ZNF558: variants seen among roughly 807,000 people sequenced by gnomAD.
The protein encoded by ZNF558 is zinc finger protein 558.
In ZNF558, 23 loss-of-function variants were observed where a neutral mutation model predicts 37.6. The ratio of observed to expected loss-of-function variants is 0.61; its 90% CI spans 0.44 to 0.87. The LOEUF (loss-of-function observed/expected upper bound fraction) is 0.87, where lower values mean the gene tolerates loss of function less well. Among genes scored for constraint, ZNF558 ranks in the 40% least tolerant of loss-of-function variants. The probability of loss-of-function intolerance (pLI) is 0.00; values close to 1 mark genes in which losing one functional copy is unlikely to be tolerated. For missense variants in ZNF558, 429 were observed against 483.7 expected (o/e 0.89, Z 1.06); for synonymous variants, 189 against 174.4 (o/e 1.08, Z -0.66).
At chr19:8,813,440 C>A (rs1190928790) in intron 7 of ZNF558, among the ~76,000 whole-genome samples, 1 of 152,120 alleles carries the variant, frequency 6.6e-6, no homozygotes, top group Non-Finnish European at 1.5e-5. Context: ...CTCACTGCAA[C>A]CTCTGCCTTC....
At position 8,822,142 on chromosome 19, in the gene ZNF558, A is replaced by G. The variant is rs765316329; in HGVS notation, c.32-51T>C. 1.9e-5 allele frequency: 31 copies of G among 1,609,630 alleles called. No homozygotes were observed. The highest frequency in any genetic ancestry group is 1.8e-5 in the Non-Finnish European group (21 of 1,177,246). Reference sequence around the variant, plus strand: ...GGATTCAGGCTTGTCTGACACCCACAGATCTGCCCCTGATTGACCACACCC... The same window carrying G: ...GGATTCAGGCTTGTCTGACACCCACGGATCTGCCCCTGATTGACCACACCC... On this transcript the variant is annotated intron_variant, in intron 5 of 9. Coordinates refer to ENST00000601372, the MANE Select transcript of ZNF558 (RefSeq NM_144693.3). This position sits in a 1 kb window ranked among gnomAD's most constrained non-coding sequence, Gnocchi z 4.4.
chr19:8,826,624 C>T (rs1072971), intron 2 of ZNF558, among the ~76,000 whole-genome samples: 25,997 of 151,994 alleles, frequency 0.17, 2,770 homozygotes, highest in East Asian at 0.27. Flanking sequence ...ACAGATGAAG[C>T]TTCGCTCACC....
Position 8,824,988 on chromosome 19 carries a change from A to G in ZNF558, c.-402+14T>C, listed in dbSNP as rs74445066. ...GACAATACCCTTGATGGAATCGACA[A>G]TGACCTTACTCACCAGGGAGACGTG... On this transcript the variant is annotated intron_variant, in intron 3 of 9. Transcript: ENST00000601372. 63 of 152,284 alleles carry G rather than the reference A, an allele frequency of 4.1e-4. No homozygotes were observed. Among genetic ancestry groups the G allele is most frequent in the African/African-American group, 1.4e-3 (59 of 41,536 alleles). The allele number at this position is 152,284 out of a possible 1,614,324, so 9.4% of individuals were successfully genotyped here.
At position 8,811,422 on chromosome 19, in the gene ZNF558, G is replaced by T. The variant is rs782523693; in HGVS notation, c.1068C>A (p.Ala356=). ...TCTTCACAGCTGAGAGATTATTAAA[G>T]GCTTTTCCACAGTCACTGCACTCGT... The part of the protein sequence containing the change: ...KPYECSDCGK[A]FNNLSAVKKH... The change falls in exon 10 of 10, where the codon GCC becomes GCA. Residue 356 remains alanine, a synonymous_variant. Coordinates refer to ENST00000601372, the MANE Select transcript of ZNF558 (RefSeq NM_144693.3). 9 of 1,613,574 alleles carry T rather than the reference G, an allele frequency of 5.6e-6. No homozygotes were observed. The African/African-American group carries it at 1.1e-4, about 19-fold the overall frequency.
At position 8,813,206 on chromosome 19, in the gene ZNF558, T is replaced by C. The variant is rs782536212; in HGVS notation, c.264A>G (p.Lys88=). 1.9e-5 allele frequency: 31 copies of C among 1,594,580 alleles called. No individual in the cohort carries two copies. In the South Asian group the frequency reaches 3.3e-4, roughly 17 times the overall value. ...NLASLGCRVN[K]PSLISQLEQD... is the part of the protein sequence containing the mutation. ...GTTCCAACTGGGATATCAGACTGGGTTTATTAACACGACACCCTATTTATG... is the reference window on the plus strand; with the variant it reads ...GTTCCAACTGGGATATCAGACTGGGCTTATTAACACGACACCCTATTTATG... Residue 88 remains lysine (K), a synonymous_variant, in exon 8 of 10, where the codon AAA becomes AAG. Transcript: ENST00000601372.
At chr19:8,813,383 G>C (rs998879095) in intron 7 of ZNF558, among the ~76,000 whole-genome samples, 161 bp from the exon 8 acceptor site, 2 of 152,102 alleles carry the variant, frequency 1.3e-5, no homozygotes, top group African/African-American at 4.8e-5. Context: ...TTTTGAGATG[G>C]AGTCTTGCTC....
chr19:8,823,053 G>A (rs190256519), intron 4 of ZNF558, among the ~76,000 whole-genome samples: 11 of 151,830 alleles, frequency 7.2e-5, no homozygotes, highest in Admixed American at 5.3e-4. Flanking sequence ...GGACTCCGGC[G>A]CCTCCATAAC....
intron 7 of ZNF558, 51 bp from the exon 8 acceptor site, chr19:8,813,273 C>A: frequency 6.9e-7 from 1 of 1,444,838 alleles, no homozygotes; most frequent in Non-Finnish European, 9.5e-7. Flanking sequence ...TGGGGACAAC[C>A]AAGTCCATGA....
intron 7 of ZNF558, among the ~76,000 whole-genome samples, chr19:8,814,163 G>C (rs2043869867): frequency 6.6e-6 from 1 of 152,192 alleles, no homozygotes; most frequent in African/African-American, 2.4e-5. Context: ...GGGTAAGAGA[G>C]CTTTATGATA....
chr19:8,813,936 C>T (rs2043863214), intron 7 of ZNF558, among the ~76,000 whole-genome samples: 1 of 152,216 alleles, frequency 6.6e-6, no homozygotes, highest in Non-Finnish European at 1.5e-5. Context: ...TCCCAAGTCA[C>T]TGCACAGACC....
intron 2 of ZNF558, among the ~76,000 whole-genome samples, chr19:8,827,571 C>CTTTTTTTTTTT (rs386388513): frequency 2.1e-5 from 2 of 94,078 alleles, no homozygotes; most frequent in Non-Finnish European, 2.1e-5. Flanking sequence ...TTTCCCTATT[C>CTTTTTTTTTTT]TTTTTTTTTT....
rs773630343 is a variant in ZNF558, at chr19:8,821,210, G to C, written c.217C>G (p.Leu73Val). 23 of 1,613,982 alleles carry C rather than the reference G, an allele frequency of 1.4e-5. No homozygotes were observed. In the East Asian group the frequency reaches 5.1e-4, roughly 36 times the overall value. The change falls in exon 7 of 10, where the codon CTG becomes GTG. Residue 73 changes from leucine to valine, a missense_variant. Leu to Val is a conservative substitution (Grantham distance 32). Transcript: ENST00000601372. ...AQRTLYRDVM[L>V]ENCRNLASLG... is the part of the protein sequence containing the mutation. ...GAGGCCAGGTTCCTGCAGTTCTCCA[G>C]CATCACATCCCTGTACAGTGTCCTT...
Position 8,809,545 on chromosome 19 carries a change from C to G in ZNF558, c.*1736G>C, listed in dbSNP as rs1452802986. The G allele has an allele frequency of 3.9e-5, 6 of 152,120 alleles. No individual in the cohort carries two copies. Among genetic ancestry groups the G allele is most frequent in the Non-Finnish European group, 8.8e-5 (6 of 68,040 alleles). The allele number at this position is 152,120 out of a possible 1,614,324, so 9.4% of individuals were successfully genotyped here. A position where few individuals can be genotyped will look rare whatever the true frequency, so the allele number is the denominator to read the frequency against. On this transcript the variant is annotated 3_prime_UTR_variant, in exon 10 of 10. Transcript: ENST00000601372. ...TAATCAGTATCATAAAGCTCATGTA[C>G]TCTGCCAAAAATACCACTACATTAG...
rs2043770920 is a variant in ZNF558 at position 8,810,957 on chromosome 19, A to G, written c.*324T>C. ...GGTCCCCTGACAACAACCAACATCA[A>G]CTTTCCAGGCATGTGAATAAGTCAT... On this transcript the variant is annotated 3_prime_UTR_variant, in exon 10 of 10. Coordinates refer to ENST00000601372, the MANE Select transcript of ZNF558 (RefSeq NM_144693.3). The G allele has an allele frequency of 4.7e-6, 1 of 212,426 alleles. No individual in the cohort carries two copies. Among genetic ancestry groups the G allele is most frequent in the African/African-American group, 2.3e-5 (1 of 43,008 alleles). The allele number at this position is 212,426 out of a possible 1,614,324, so 13.2% of individuals were successfully genotyped here.
chr19:8,823,013 C>T (rs1006504453), intron 4 of ZNF558: 12 of 292,554 alleles, frequency 4.1e-5, no homozygotes, highest in Admixed American at 2.9e-4. Context: ...GCACCACAAA[C>T]GCATTCCCGG....
rs1352724720 is a variant in ZNF558, at chr19:8,832,241, C to A, written c.-625G>T. The stretch of plus-strand genomic sequence containing the variant: ...GGCCCCTCCCGCGGGGCCAAAAGCG[C>A]CGACTCGCGGGGACGGAGGGACTCG... On this transcript the variant is annotated 5_prime_UTR_variant, in exon 1 of 10. Coordinates refer to ENST00000601372, the MANE Select transcript of ZNF558 (RefSeq NM_144693.3). 3 of 152,166 alleles carry A rather than the reference C, an allele frequency of 2.0e-5. No individual in the cohort carries two copies. In the East Asian group the frequency reaches 5.8e-4, roughly 29 times the overall value. The allele number at this position is 152,166 out of a possible 1,614,324, so 9.4% of individuals were successfully genotyped here.
In ZNF558 at chr19:8,812,644, C is replaced by A; in HGVS notation, c.344-1G>T. ...TTGGCTTTAAGTAGAGTCTCCAAAT[C>A]TGAAACAAATTGAAAAGAAATTTAG... On this transcript the variant is annotated splice_acceptor_variant, in intron 8 of 9. Transcript: ENST00000601372. LOFTEE classifies it high-confidence loss of function. 6.3e-7 allele frequency: 1 copy of A among 1,583,816 alleles called. No individual in the cohort carries two copies. Among genetic ancestry groups the A allele is most frequent in the South Asian group, 1.2e-5 (1 of 85,540 alleles).
intron 7 of ZNF558, among the ~76,000 whole-genome samples, chr19:8,820,149 A>G (rs1489012590): frequency 6.6e-6 from 1 of 152,202 alleles, no homozygotes; most frequent in Non-Finnish European, 1.5e-5. Context: ...TGCTGGGAAG[A>G]TGCAGAGAAG....
chr19:8,813,314 G>A, intron 7 of ZNF558, 92 bp from the exon 8 acceptor site: 1 of 991,876 alleles, frequency 1.0e-6, no homozygotes, highest in Non-Finnish European at 1.5e-6. Context: ...AGATGGAAAA[G>A]TGTGACTTTA....
Sources: gnomAD v4.1 joint callset for allele counts (sites outside exome capture counted in the v4.1 genomes callset) on GRCh38, gnomAD v4.1.1 for gene constraint, Gnocchi (gnomAD v3.1) non-coding constraint, MANE v1.5 for transcripts, NCBI Gene and HGNC (gene_info 2026-07-23, HGNC 2026-07-21) for gene names.